The following DPYSL2 variants were observed in gnomAD, a reference collection of about 807,000 sequenced individuals.
DPYSL2 encodes the protein dihydropyrimidinase like 2, also known as dihydropyrimidinase-related protein 2.
A neutral mutation model predicts 69.9 loss-of-function variants in DPYSL2; 13 were observed. The observed-to-expected ratio is 0.19, with a 90% CI of 0.12 to 0.30. DPYSL2 has a LOEUF of 0.30. DPYSL2 is among the 10% of genes least tolerant of loss of function. The pLI, the probability that DPYSL2 is intolerant of heterozygous loss-of-function variation, is 1.00. For synonymous variants in DPYSL2, 326 were observed against 359.1 expected (o/e 0.91, Z 1.04); for missense variants, 587 against 918.9 (o/e 0.64, Z 4.67).
intron 1 of DPYSL2, among the ~76,000 whole-genome samples, chr8:26,548,959 C>T (rs533295116): frequency 1.2e-4 from 18 of 152,164 alleles, no homozygotes; most frequent in African/African-American, 3.9e-4. Context: ...GAAGCTGAGG[C>T]GGGCAGATCA....
Position 26,642,555 on chromosome 8 carries a change from A to G in DPYSL2, c.1127-884A>G, listed in dbSNP as rs141085633. Among the ~76,000 whole-genome samples the G allele has an allele frequency of 3.3e-5, 5 of 152,266 alleles. No homozygotes were observed. The highest frequency in any genetic ancestry group is 2.1e-4 in the South Asian group (1 of 4,822). ...AGAGCAAACGTAAATCTAAGGTCCA[A>G]TTGGGAGGCTCTGTTGGAATGAGCT... On this transcript the variant is annotated intron_variant, in intron 8 of 13. Transcript: ENST00000521913. The surrounding 1 kb of genome is among the most constrained non-coding windows in gnomAD (Gnocchi z 5.3).
chr8:26,549,983 TAGAG>T (rs1563382522), intron 1 of DPYSL2, among the ~76,000 whole-genome samples: 4 of 152,104 alleles, frequency 2.6e-5, no homozygotes, highest in African/African-American at 9.7e-5. Context: ...GGAAGAGTGT[TAGAG>T]AGAAATAAAT....
At chr8:26,596,491 C>T (rs1054520166) in intron 3 of DPYSL2, among the ~76,000 whole-genome samples, 2 of 152,200 alleles carry the variant, frequency 1.3e-5, no homozygotes, top group African/African-American at 2.4e-5. Flanking sequence ...CTGGACCTCT[C>T]CACAGACCTG....
chr8:26,653,324 G>A lies in DPYSL2; in HGVS notation c.1869G>A (p.Ser623=), dbSNP rs746566977. 5.0e-6 allele frequency: 8 copies of A among 1,613,978 alleles called. No homozygotes were observed. The highest frequency in any genetic ancestry group is 1.3e-5 in the African/African-American group (1 of 74,888). Residue 623 remains serine (S), a synonymous_variant, in exon 13 of 14, where the codon TCG becomes TCA. Coordinates refer to ENST00000521913, the MANE Select transcript of DPYSL2 (RefSeq NM_001197293.3). This position sits in a 1 kb window ranked among gnomAD's most constrained non-coding sequence, Gnocchi z 5.7. The part of the protein sequence containing the change: ...VTPKTVTPAS[S]AKTSPAKQQA... Reference sequence around the variant, plus strand: ...CCAAGACAGTCACTCCAGCCTCCTCGGCCAAGACGTCTCCTGCCAAGCAGC... The same window carrying A: ...CCAAGACAGTCACTCCAGCCTCCTCAGCCAAGACGTCTCCTGCCAAGCAGC...
intron 1 of DPYSL2, chr8:26,577,805 C>T (rs1330309166): frequency 3.0e-6 from 3 of 993,510 alleles, no homozygotes; most frequent in Non-Finnish European, 3.6e-6. Flanking sequence ...CGCGCCCCGC[C>T]CCACCGGCCT....
In DPYSL2 at chr8:26,650,059, G is replaced by T. The variant is rs993442231; in HGVS notation, c.1597-2198G>T. ...CAGGGCTGGCAAGTGTTAGCAAAGTGCAATAAAGAGCCAGACAGTGAATGA... is the reference window on the plus strand; with the variant it reads ...CAGGGCTGGCAAGTGTTAGCAAAGTTCAATAAAGAGCCAGACAGTGAATGA... On this transcript the variant is annotated intron_variant, in intron 11 of 13. Coordinates refer to ENST00000521913, the MANE Select transcript of DPYSL2 (RefSeq NM_001197293.3). The surrounding 1 kb of genome is among the most constrained non-coding windows in gnomAD (Gnocchi z 5.3). 6.6e-6 allele frequency among the ~76,000 whole-genome samples: 1 copy of T among 152,184 alleles called. No individual in the cohort carries two copies. The highest frequency in any genetic ancestry group is 2.4e-5 in the African/African-American group (1 of 41,446).
At chr8:26,536,502 C>G (rs1334055586) in intron 1 of DPYSL2, among the ~76,000 whole-genome samples, 1 of 152,026 alleles carries the variant, frequency 6.6e-6, no homozygotes, top group East Asian at 1.9e-4. Flanking sequence ...GAAACGCCGT[C>G]TCTACTAAAA....
At position 26,587,765 on chromosome 8, in the gene DPYSL2, G is replaced by A. The variant is rs956836587; in HGVS notation, c.628+3782G>A. On this transcript the variant is annotated intron_variant, in intron 3 of 13. Coordinates refer to ENST00000521913, the MANE Select transcript of DPYSL2 (RefSeq NM_001197293.3). This position sits in a 1 kb window ranked among gnomAD's most constrained non-coding sequence, Gnocchi z 4.2. ...GCATCCAGACCGGCTGAGGGGTTGC[G>A]GGGGCGGCCGCATTGCTGCTTGGGG... Among the ~76,000 whole-genome samples the A allele has an allele frequency of 6.6e-6, 1 of 152,134 alleles. No homozygotes were observed. The highest frequency in any genetic ancestry group is 1.5e-5 in the Non-Finnish European group (1 of 68,018).
rs188727276 is a variant in DPYSL2 at position 26,518,850 on chromosome 8, A to T, written c.354+4171A>T. On this transcript the variant is annotated intron_variant, in intron 1 of 13. Coordinates refer to ENST00000521913, the MANE Select transcript of DPYSL2 (RefSeq NM_001197293.3). ...TATAACAAGTCTTTAATGATTTAAA[A>T]AGTTGCTATTCAATTAATTGGCCTG... Among the ~76,000 whole-genome samples the T allele has an allele frequency of 1.6e-4, 25 of 152,348 alleles. 1 individual carries two copies. The East Asian group carries it at 4.8e-3, about 29-fold the overall frequency.
chr8:26,624,206 G>A lies in DPYSL2; in HGVS notation c.692G>A (p.Trp231Ter). 6.2e-7 allele frequency: 1 copy of A among 1,614,188 alleles called. No individual in the cohort carries two copies. Among genetic ancestry groups the A allele is most frequent in the Non-Finnish European group, 8.5e-7 (1 of 1,180,038 alleles). ...GCTGCCTTTGACCAGTGGAGGGAAT[G>A]GGCCGACAGCAAGTCCTGCTGTGAC... ...LLAAFDQWREWADSKSCCDYS... is the reference protein window; with the variant it reads ...LLAAFDQWRE The change falls in exon 4 of 14, where the codon TGG (tryptophan) becomes TAG (stop). Residue 231 changes from tryptophan to a stop codon, truncating the protein, a stop_gained. Coordinates refer to ENST00000521913, the MANE Select transcript of DPYSL2 (RefSeq NM_001197293.3). LOFTEE classifies it high-confidence loss of function. The surrounding 1 kb of genome is among the most constrained non-coding windows in gnomAD (Gnocchi z 4.7).
At chr8:26,556,999 G>GTATCATTTA (rs1800999169) in intron 1 of DPYSL2, among the ~76,000 whole-genome samples, 1 of 152,104 alleles carries the variant, frequency 6.6e-6, no homozygotes, top group African/African-American at 2.4e-5. Context: ...AACAAATGAT[G>GTATCATTTA]CTGGAACAAC....
Position 26,645,350 on chromosome 8 carries a change from A to C in DPYSL2, c.1425+1259A>C, listed in dbSNP as rs147886994. On this transcript the variant is annotated intron_variant, in intron 10 of 13. Coordinates refer to ENST00000521913, the MANE Select transcript of DPYSL2 (RefSeq NM_001197293.3). ...TGGGAGGTTGAGGCTGCAGTGAGCC[A>C]TGACTGGGCCACTGAACTCCAGACT... Among the ~76,000 whole-genome samples the C allele has an allele frequency of 4.9e-3, 748 of 152,240 alleles. 5 individuals are homozygous for C. Among genetic ancestry groups the C allele is most frequent in the African/African-American group, 0.017 (725 of 41,540 alleles).
chr8:26,538,566 C>T (rs1442886), intron 1 of DPYSL2, among the ~76,000 whole-genome samples: 52,888 of 151,982 alleles, frequency 0.35, 11,511 homozygotes, highest in East Asian at 0.67. Context: ...ATGTTGAGCC[C>T]GTGTAATGAA....
chr8:26,599,321 G>T (rs528686613), intron 3 of DPYSL2, among the ~76,000 whole-genome samples: 1 of 152,254 alleles, frequency 6.6e-6, no homozygotes, highest in East Asian at 1.9e-4. Context: ...GGCAGGTAAA[G>T]GTGGCCCCTA....
chr8:26,580,423 AG>A lies in DPYSL2; in HGVS notation c.355-1544del, dbSNP rs1485661975. ...TGTCATGATGTGCACGGCTTTGTAA[AG>A]GTCTTTACACTTACCTTATACAGGT... On this transcript the variant is annotated intron_variant, in intron 1 of 13. Coordinates refer to ENST00000521913, the MANE Select transcript of DPYSL2 (RefSeq NM_001197293.3). This position sits in a 1 kb window ranked among gnomAD's most constrained non-coding sequence, Gnocchi z 4.1. Among the ~76,000 whole-genome samples, 1 of 152,182 alleles carries A rather than the reference AG, an allele frequency of 6.6e-6. No individual in the cohort carries two copies. Among genetic ancestry groups the A allele is most frequent in the Non-Finnish European group, 1.5e-5 (1 of 68,034 alleles).
rs1044689156 is a variant in DPYSL2 at position 26,564,501 on chromosome 8, C to A, written c.355-17468C>A. ...AATCCTTGAATGGGCTGACGTCTTCCTGTGAGACCTAGGGAAGGAGAAAAG... is the reference window on the plus strand; with the variant it reads ...AATCCTTGAATGGGCTGACGTCTTCATGTGAGACCTAGGGAAGGAGAAAAG... On this transcript the variant is annotated intron_variant, in intron 1 of 13. Transcript: ENST00000521913. The surrounding 1 kb of genome is among the most constrained non-coding windows in gnomAD (Gnocchi z 4.8). Among the ~76,000 whole-genome samples, 7 of 152,132 alleles carry A rather than the reference C, an allele frequency of 4.6e-5. No homozygotes were observed. The highest frequency in any genetic ancestry group is 1.7e-4 in the African/African-American group (7 of 41,418).
chr8:26,601,764 A>C (rs1293251299), intron 3 of DPYSL2, among the ~76,000 whole-genome samples: 2 of 152,196 alleles, frequency 1.3e-5, no homozygotes, highest in Non-Finnish European at 2.9e-5. Flanking sequence ...ATTTTTACTG[A>C]GTGTACTCAG....
chr8:26,569,373 A>AAC lies in DPYSL2; in HGVS notation c.355-12595_355-12594insCA, dbSNP rs1563390255. Among the ~76,000 whole-genome samples the AAC allele has an allele frequency of 2.6e-4, 20 of 78,182 alleles. 2 individuals carry two copies. The highest frequency in any genetic ancestry group is 2.5e-3 in the East Asian group (6 of 2,362). 51.3% of individuals were successfully genotyped at this position (78,182 alleles called of 152,430 possible). A position where few individuals can be genotyped will look rare whatever the true frequency, so the allele number is the denominator to read the frequency against. Reference sequence around the variant, plus strand: ...TATCTCCAAAAAAAAAACAAAAACAAAAACAAAAAAAAACCAAAGAAAAAC... The same window carrying AAC: ...TATCTCCAAAAAAAAAACAAAAACAAACAAACAAAAAAAAACCAAAGAAAAAC... On this transcript the variant is annotated intron_variant, in intron 1 of 13. Transcript: ENST00000521913.
intron 1 of DPYSL2, among the ~76,000 whole-genome samples, chr8:26,546,921 C>CAAAAAAAAAAAAAAAAAAAAAAAAAAAA (rs61360009): frequency 2.2e-5 from 1 of 46,206 alleles, no homozygotes; most frequent in Non-Finnish European, 3.4e-5. Context: ...GACTCAGTCT[C>CAAAAAAAAAAAAAAAAAAAAAAAAAAAA]AAAAAAAAAA....
Sources: allele counts gnomAD v4.1 joint callset (sites outside exome capture counted in the v4.1 genomes callset), GRCh38; gene constraint gnomAD v4.1.1; non-coding constraint Gnocchi (gnomAD v3.1); transcripts MANE v1.5; gene names NCBI Gene and HGNC (gene_info 2026-07-23, HGNC 2026-07-21).